Variants in EPHB1 observed in about 807,000 individuals in gnomAD.
The protein encoded by EPHB1 is EPH receptor B1, also known as ephrin type-B receptor 1.
Under a neutral mutation model 94.4 loss-of-function variants are expected in EPHB1, and 30 were observed. That is an observed-to-expected ratio of 0.32 (90% CI 0.24 to 0.43). The LOEUF is 0.43. EPHB1 is among the 20% of genes least tolerant of loss of function. The pLI is 1.00. For synonymous variants in EPHB1, 522 were observed against 489.1 expected, an observed-to-expected ratio of 1.07 and a Z score of -0.89; for missense variants, 1,055 against 1,308.3, an observed-to-expected ratio of 0.81 and a Z score of 2.99.
intron 2 of EPHB1, among the ~76,000 whole-genome samples, chr3:134,929,954 C>T (rs914214485): frequency 6.6e-6 from 1 of 152,132 alleles, no homozygotes; most frequent in African/African-American, 2.4e-5. Flanking sequence ...GGAAAGTCCT[C>T]AGATTGTTTC....
chr3:135,089,494 G>A (rs1201049286), intron 3 of EPHB1, among the ~76,000 whole-genome samples: 1 of 152,360 alleles, frequency 6.6e-6, no homozygotes, highest in Non-Finnish European at 1.5e-5. Context: ...CACGTGGTGG[G>A]TAGCTTGGCA....
rs1039314169 is a variant in EPHB1, at chr3:135,194,589, T to G, written c.2130+1766T>G. ...AGCTCCAGCACTCAGAAACAGAGCT[T>G]AGGGGCTGTAGTGTGGAAGGGTAGC... On this transcript the variant is annotated intron_variant, in intron 11 of 15. Coordinates refer to ENST00000398015, the MANE Select transcript of EPHB1 (RefSeq NM_004441.5). Among the ~76,000 whole-genome samples, 31 of 152,148 alleles carry G rather than the reference T, an allele frequency of 2.0e-4. 1 individual carries two copies. Among genetic ancestry groups the G allele is most frequent in the Admixed American group, 1.5e-3 (23 of 15,272 alleles).
intron 12 of EPHB1, among the ~76,000 whole-genome samples, chr3:135,213,487 G>A (rs879819341): frequency 3.3e-5 from 5 of 152,166 alleles, no homozygotes; most frequent in Non-Finnish European, 7.4e-5. Flanking sequence ...TGACCTCACA[G>A]GTCACCTTCT....
At chr3:134,978,765 G>A (rs1189665096) in intron 3 of EPHB1, among the ~76,000 whole-genome samples, 1 of 152,226 alleles carries the variant, frequency 6.6e-6, no homozygotes, top group Non-Finnish European at 1.5e-5. Context: ...ACTGTGAGCT[G>A]TGGCAGGACA....
At chr3:135,247,037 G>T (rs1559890056) in intron 13 of EPHB1, among the ~76,000 whole-genome samples, 1 of 152,024 alleles carries the variant, frequency 6.6e-6, no homozygotes, top group African/African-American at 2.4e-5. Flanking sequence ...TTAAGTAGAG[G>T]CAAAAACACC....
At chr3:134,891,587 AC>A (rs569271026) in intron 1 of EPHB1, among the ~76,000 whole-genome samples, 230 of 152,358 alleles carry the variant, frequency 1.5e-3, no homozygotes, top group Non-Finnish European at 2.9e-3. Context: ...TCATTGAGAC[AC>A]CTGGATAATA....
At chr3:135,207,864 T>G (rs1942939398) in intron 12 of EPHB1, among the ~76,000 whole-genome samples, 1 of 152,234 alleles carries the variant, frequency 6.6e-6, no homozygotes, top group East Asian at 1.9e-4. Context: ...TGTTGGCATG[T>G]GCACAGAAAG....
intron 1 of EPHB1, among the ~76,000 whole-genome samples, chr3:134,816,337 G>A (rs531364821): frequency 2.6e-5 from 4 of 151,786 alleles, no homozygotes; most frequent in Admixed American, 1.3e-4. Flanking sequence ...CAAATGCTCC[G>A]CCCACCTCGC....
intron 1 of EPHB1, among the ~76,000 whole-genome samples, chr3:134,799,654 C>T (rs561932165): frequency 6.6e-6 from 1 of 152,278 alleles, no homozygotes; most frequent in South Asian, 2.1e-4. Flanking sequence ...GTGATGCTCC[C>T]GAGCCTGGGG....
intron 3 of EPHB1, among the ~76,000 whole-genome samples, chr3:134,957,912 C>T (rs1578230260): frequency 6.6e-6 from 1 of 152,248 alleles, no homozygotes; most frequent in East Asian, 1.9e-4. Context: ...ATTGGCAGGG[C>T]CTTTACAACT....
intron 3 of EPHB1, among the ~76,000 whole-genome samples, chr3:135,088,234 G>C (rs1038136406): frequency 1.3e-5 from 2 of 152,102 alleles, no homozygotes; most frequent in Non-Finnish European, 2.9e-5. Context: ...ACTTACCATA[G>C]TAAATAGCTG....
At chr3:135,098,245 A>T (rs1158864747) in intron 3 of EPHB1, among the ~76,000 whole-genome samples, 1 of 152,216 alleles carries the variant, frequency 6.6e-6, no homozygotes, top group African/African-American at 2.4e-5. Context: ...AAAGTCATGT[A>T]TATGTAATAC....
chr3:134,862,362 T>C lies in EPHB1; in HGVS notation c.59-63454T>C, dbSNP rs555214410. On this transcript the variant is annotated intron_variant, in intron 1 of 15. Transcript: ENST00000398015. Reference sequence around the variant, plus strand: ...CATGGGTGCATGGGTGTCTTTAGTTTGTCTTCATGGAGCCCTAAAACAGAC... The same window carrying C: ...CATGGGTGCATGGGTGTCTTTAGTTCGTCTTCATGGAGCCCTAAAACAGAC... 3.3e-5 allele frequency among the ~76,000 whole-genome samples: 5 copies of C among 152,192 alleles called. No homozygotes were observed. In the South Asian group the frequency reaches 1.0e-3, roughly 32 times the overall value.
At chr3:134,992,448 T>C (rs1934843914) in intron 3 of EPHB1, among the ~76,000 whole-genome samples, 1 of 152,224 alleles carries the variant, frequency 6.6e-6, no homozygotes, top group South Asian at 2.1e-4. Context: ...AAGGCAAGTT[T>C]GTTTCAGTTC....
rs149334126 is a variant in EPHB1 at position 135,057,760 on chromosome 3, A to G, written c.806-48688A>G. Among the ~76,000 whole-genome samples the G allele has an allele frequency of 6.6e-5, 10 of 152,334 alleles. No homozygotes were observed. The East Asian group carries it at 1.7e-3, about 26-fold the overall frequency. On this transcript the variant is annotated intron_variant, in intron 3 of 15. Transcript: ENST00000398015. ...GTACATATACTGCATACATATGTGT[A>G]CATATATCTGTATGATACATGAAAG...
chr3:135,183,247 T>TCTTCCTTCCTTCCTTCCTTC (rs61228471), intron 10 of EPHB1, among the ~76,000 whole-genome samples: 126 of 91,396 alleles, frequency 1.4e-3, no homozygotes, highest in East Asian at 9.9e-3. Context: ...TCCCTCCCTT[T>TCTTCCTTCCTTCCTTCCTTC]CTTCCTTCCT....
intron 3 of EPHB1, among the ~76,000 whole-genome samples, chr3:135,098,829 C>T (rs916965374): frequency 4.0e-5 from 6 of 151,872 alleles, no homozygotes; most frequent in African/African-American, 1.5e-4. Context: ...CTGGCCAACA[C>T]GGTAAAACCC....
At chr3:135,202,262 C>T (rs1156781947) in intron 12 of EPHB1, among the ~76,000 whole-genome samples, 1 of 152,182 alleles carries the variant, frequency 6.6e-6, no homozygotes, top group African/African-American at 2.4e-5. Flanking sequence ...TCATTTAGAA[C>T]TTTAACAAGC....
At chr3:135,120,121 C>T (rs1939889814) in intron 4 of EPHB1, among the ~76,000 whole-genome samples, 1 of 152,172 alleles carries the variant, frequency 6.6e-6, no homozygotes, top group Admixed American at 6.5e-5. Flanking sequence ...CAAGATGAAT[C>T]TTACAACCAG....
Sources: gnomAD v4.1 joint callset for allele counts (sites outside exome capture counted in the v4.1 genomes callset) on GRCh38, gnomAD v4.1.1 for gene constraint, MANE v1.5 for transcripts, NCBI Gene and HGNC (gene_info 2026-07-23, HGNC 2026-07-21) for gene names.